THNSL1: variants seen among roughly 807,000 people sequenced by gnomAD.
The protein encoded by THNSL1 is threonine synthase like 1.
A neutral mutation model predicts 50.4 loss-of-function variants in THNSL1; 48 were observed. That is an observed-to-expected ratio of 0.95 (90% CI 0.76 to 1.21). THNSL1 has a LOEUF of 1.21. Among genes scored for constraint, THNSL1 ranks in the 50% most tolerant of loss-of-function variants. The pLI is 0.00. For synonymous variants in THNSL1, 309 were observed against 306.1 expected, an observed-to-expected ratio of 1.01 and a Z score of -0.10; for missense variants, 896 against 871.7, an observed-to-expected ratio of 1.03 and a Z score of -0.35.
upstream of THNSL1, among the ~76,000 whole-genome samples, chr10:25,015,250 T>C (rs900992373): frequency 6.6e-6 from 1 of 152,228 alleles, no homozygotes; most frequent in Non-Finnish European, 1.5e-5. Context: ...TCAACTCAAT[T>C]ACATATTTTT....
At chr10:24,961,213 T>C in the THNSL1 span, among the ~76,000 whole-genome samples, 15 of 152,322 alleles carry the variant, frequency 9.8e-5, no homozygotes, top group Admixed American at 1.3e-4. Flanking sequence ...TGTAGTTCTG[T>C]TCCCTTCTTC....
upstream of THNSL1, among the ~76,000 whole-genome samples, chr10:25,014,226 AAGACGG>A (rs1352112862): frequency 6.6e-6 from 1 of 152,176 alleles, no homozygotes; most frequent in Admixed American, 6.5e-5. Flanking sequence ...GTTCCCCAAA[AAGACGG>A]TAAACTCTGA....
the THNSL1 span, among the ~76,000 whole-genome samples, chr10:24,992,283 A>G: frequency 6.6e-6 from 1 of 152,222 alleles, no homozygotes; most frequent in Admixed American, 6.5e-5. Flanking sequence ...TGTGTTCTGA[A>G]GTAAAATAAA....
chr10:24,969,949 G>A, the THNSL1 span, among the ~76,000 whole-genome samples: 5 of 152,194 alleles, frequency 3.3e-5, no homozygotes, highest in Admixed American at 3.3e-4. Context: ...CAGCTATGAA[G>A]GGACCAGCTT....
the THNSL1 span, chr10:24,999,365 C>A: frequency 7.0e-6 from 11 of 1,565,250 alleles, no homozygotes; most frequent in East Asian, 2.3e-4. Context: ...CCTGCTAATG[C>A]TTTTAATATT....
At chr10:24,976,119 T>C in the THNSL1 span, among the ~76,000 whole-genome samples, 5 of 152,142 alleles carry the variant, frequency 3.3e-5, no homozygotes, top group Admixed American at 3.3e-4. Flanking sequence ...CAGAATATTG[T>C]GGTGGGTTAG....
the THNSL1 span, among the ~76,000 whole-genome samples, chr10:24,977,305 T>C: frequency 6.6e-6 from 1 of 152,188 alleles, no homozygotes; most frequent in Non-Finnish European, 1.5e-5. Flanking sequence ...TTTAGAACAA[T>C]AAGAAGTTGG....
the THNSL1 span, among the ~76,000 whole-genome samples, chr10:24,955,034 A>G: frequency 2.6e-5 from 4 of 152,338 alleles, no homozygotes; most frequent in African/African-American, 9.6e-5. Context: ...AAGAGGTTTA[A>G]TTGACTCACA....
chr10:25,022,748 G>A (rs908763379), intron 2 of THNSL1, among the ~76,000 whole-genome samples: 1 of 152,126 alleles, frequency 6.6e-6, no homozygotes, highest in Non-Finnish European at 1.5e-5. Context: ...ATTGCAAGTA[G>A]ATAGCACTCC....
chr10:24,990,967 G>T, the THNSL1 span, among the ~76,000 whole-genome samples: 11 of 152,204 alleles, frequency 7.2e-5, no homozygotes, highest in Admixed American at 7.2e-4. Context: ...AGGCATCGTG[G>T]CATGTGCCAG....
In THNSL1 at chr10:25,024,330, T is replaced by G; in HGVS notation, c.1107T>G (p.Ser369Arg). Residue 369 changes from serine (S) to arginine (R), a missense_variant, in exon 3 of 3, where the codon AGT becomes AGG. Transcript: ENST00000376356. ...TTTTTGCACACTGTATCCCACCAAG[T>G]TGCAATTATATGATACTTGTAGCTA... ...PHIFAHCIPPSCNYMILVATS... is the reference protein window; with the variant it reads ...PHIFAHCIPPRCNYMILVATS... 2 of 1,614,174 alleles carry G rather than the reference T, an allele frequency of 1.2e-6. No individual in the cohort carries two copies. The highest frequency in any genetic ancestry group is 1.7e-6 in the Non-Finnish European group (2 of 1,180,030).
chr10:24,958,661 T>A, the THNSL1 span, among the ~76,000 whole-genome samples: 2 of 152,222 alleles, frequency 1.3e-5, no homozygotes, highest in Admixed American at 1.3e-4. Context: ...GTCTTACAAA[T>A]AAAGCCAAGG....
At chr10:25,002,894 G>C in the THNSL1 span, among the ~76,000 whole-genome samples, 1 of 151,290 alleles carries the variant, frequency 6.6e-6, no homozygotes, top group Non-Finnish European at 1.5e-5. Flanking sequence ...ATATGGTCTC[G>C]TGATTAATAA....
chr10:24,998,233 A>G, the THNSL1 span, among the ~76,000 whole-genome samples: 1 of 152,144 alleles, frequency 6.6e-6, no homozygotes, highest in Non-Finnish European at 1.5e-5. Context: ...ATGCCAGCAG[A>G]CATAAAAAGC....
upstream of THNSL1, among the ~76,000 whole-genome samples, chr10:25,012,619 A>T (rs960075225): frequency 2.0e-5 from 3 of 152,216 alleles, no homozygotes; most frequent in Admixed American, 1.3e-4. Context: ...AGGGGCCTAT[A>T]GCCCCTTTGT....
chr10:24,975,807 C>T, the THNSL1 span, among the ~76,000 whole-genome samples: 8 of 152,110 alleles, frequency 5.3e-5, no homozygotes, highest in Non-Finnish European at 1.0e-4. Flanking sequence ...AGTGTGAAAA[C>T]GAACTAATAC....
chr10:24,981,645 C>G, the THNSL1 span, among the ~76,000 whole-genome samples: 4 of 152,208 alleles, frequency 2.6e-5, no homozygotes, highest in African/African-American at 4.8e-5. Context: ...TGTCTTTCTA[C>G]GCGCCAGGAA....
chr10:24,986,323 T>C, the THNSL1 span, among the ~76,000 whole-genome samples: 1 of 152,112 alleles, frequency 6.6e-6, no homozygotes, highest in East Asian at 1.9e-4. Flanking sequence ...AAGAGGTTGG[T>C]TGGGGAAAAG....
chr10:24,990,548 T>C, the THNSL1 span: 9 of 1,613,772 alleles, frequency 5.6e-6, no homozygotes, highest in African/African-American at 1.3e-5. Flanking sequence ...ATCATAGTCT[T>C]CTTGGGCTTT....
Sources: gnomAD v4.1 joint callset for allele counts (sites outside exome capture counted in the v4.1 genomes callset) on GRCh38, gnomAD v4.1.1 for gene constraint, MANE v1.5 for transcripts, NCBI Gene and HGNC (gene_info 2026-07-23, HGNC 2026-07-21) for gene names.